Variants in GMDS observed in about 807,000 individuals in gnomAD.
GMDS encodes GDP-mannose 4,6 dehydratase.
In GMDS, 20 loss-of-function variants were observed where a neutral mutation model predicts 49.9. That is an observed-to-expected ratio of 0.40 (90% CI 0.28 to 0.58). The LOEUF is 0.58. Ranked by LOEUF, GMDS falls within the 20% of genes least tolerant of loss-of-function variation. The pLI is 0.42. For synonymous variants in GMDS, 177 were observed against 178.6 expected (o/e 0.99, Z 0.07); for missense variants, 362 against 481.4 (o/e 0.75, Z 2.32).
chr6:1,672,979 A>C (rs1270934757), intron 9 of GMDS, among the ~76,000 whole-genome samples: 1 of 149,592 alleles, frequency 6.7e-6, no homozygotes, highest in East Asian at 1.9e-4. Context: ...CATTTCAGCG[A>C]GGATTGGGAA....
chr6:1,961,559 T>A (rs1763946339), intron 4 of GMDS, among the ~76,000 whole-genome samples: 1 of 152,264 alleles, frequency 6.6e-6, no homozygotes, highest in South Asian at 2.1e-4. Context: ...TCTAAGCGAA[T>A]GCTGAGGAAT....
chr6:1,821,232 C>T (rs1770873746), intron 7 of GMDS, among the ~76,000 whole-genome samples: 1 of 152,174 alleles, frequency 6.6e-6, no homozygotes, highest in South Asian at 2.1e-4. Context: ...GAAAAACTCT[C>T]TTGCATTTCG....
chr6:1,674,560 CTTTTTTTTTTT>C (rs869292549), intron 9 of GMDS, among the ~76,000 whole-genome samples: 2 of 73,438 alleles, frequency 2.7e-5, no homozygotes, highest in African/African-American at 6.4e-5. Context: ...CTCTCTCTCT[CTTTTTTTTTTT>C]TTTTTTTTTT....
intron 4 of GMDS, among the ~76,000 whole-genome samples, chr6:2,032,855 T>C (rs898904581): frequency 3.3e-5 from 5 of 152,148 alleles, no homozygotes; most frequent in African/African-American, 1.2e-4. Flanking sequence ...ATAGATACAA[T>C]ACAGTTCCTC....
At chr6:2,057,811 T>A (rs1159831227) in intron 4 of GMDS, among the ~76,000 whole-genome samples, 1 of 152,236 alleles carries the variant, frequency 6.6e-6, no homozygotes, top group Non-Finnish European at 1.5e-5. Context: ...ATATTCTGTA[T>A]CAATGCTGTC....
At chr6:1,914,627 G>C (rs944037787) in intron 7 of GMDS, among the ~76,000 whole-genome samples, 7 of 152,176 alleles carry the variant, frequency 4.6e-5, no homozygotes, top group African/African-American at 1.7e-4. Context: ...ACTATTTCCA[G>C]GGAAGATCCC....
At chr6:1,722,913 A>G (rs1378833579) in intron 9 of GMDS, among the ~76,000 whole-genome samples, 2 of 152,202 alleles carry the variant, frequency 1.3e-5, no homozygotes, top group Admixed American at 6.5e-5. Context: ...GAGTGATGGA[A>G]AATTTAAAGT....
At chr6:2,124,524 T>C (rs1351862964) in intron 2 of GMDS, among the ~76,000 whole-genome samples, 163 bp downstream of exon 2, 1 of 152,198 alleles carries the variant, frequency 6.6e-6, no homozygotes, top group Non-Finnish European at 1.5e-5. Context: ...CACAATGGGT[T>C]GGCAGGCTCA....
intron 2 of GMDS, among the ~76,000 whole-genome samples, chr6:2,122,028 T>C (rs1775164689): frequency 1.3e-5 from 2 of 152,226 alleles, no homozygotes; most frequent in African/African-American, 4.8e-5. Context: ...TCCTGGTTTG[T>C]CCTCTGCTAT....
At chr6:2,163,352 C>T (rs1481324074) in intron 1 of GMDS, among the ~76,000 whole-genome samples, 4 of 152,134 alleles carry the variant, frequency 2.6e-5, no homozygotes. Context: ...CCAGGAGAGG[C>T]AAACACTAAA....
At position 2,178,440 on chromosome 6, in the gene GMDS, G is replaced by T. The variant is rs1778381285; in HGVS notation, c.103-53709C>A. On this transcript the variant is annotated intron_variant, in intron 1 of 10. Coordinates refer to ENST00000380815, the MANE Select transcript of GMDS (RefSeq NM_001500.4). ...AGGTGCCACATGCTTTAAACAACCAGATCTCGTGGGCACTGTTTGAAGAGA... is the reference window on the plus strand; with the variant it reads ...AGGTGCCACATGCTTTAAACAACCATATCTCGTGGGCACTGTTTGAAGAGA... 2.0e-5 allele frequency among the ~76,000 whole-genome samples: 3 copies of T among 152,158 alleles called. 1 individual carries two copies. In the South Asian group the frequency reaches 6.2e-4, roughly 32 times the overall value.
intron 9 of GMDS, among the ~76,000 whole-genome samples, chr6:1,724,050 G>A (rs953488242): frequency 1.1e-4 from 17 of 152,298 alleles, no homozygotes; most frequent in African/African-American, 3.6e-4. Context: ...TTGTTCTGAG[G>A]AATGAGGTTA....
chr6:2,195,995 G>A (rs234939), intron 1 of GMDS, among the ~76,000 whole-genome samples: 6,253 of 152,052 alleles, frequency 0.041, 258 homozygotes, highest in South Asian at 0.13. Flanking sequence ...ATCCCAAGAT[G>A]ACAATTGGGG....
At chr6:1,950,526 G>C (rs944887437) in intron 6 of GMDS, among the ~76,000 whole-genome samples, 2 of 152,154 alleles carry the variant, frequency 1.3e-5, no homozygotes, top group African/African-American at 4.8e-5. Flanking sequence ...TTTGAGTTGG[G>C]TCTGACCTGC....
At chr6:1,657,546 C>T (rs927719962) in intron 9 of GMDS, among the ~76,000 whole-genome samples, 1 of 152,192 alleles carries the variant, frequency 6.6e-6, no homozygotes, top group Non-Finnish European at 1.5e-5. Flanking sequence ...TGCTTTCAAG[C>T]AGGACACTGA....
Position 1,744,162 on chromosome 6 carries a change from A to G in GMDS, c.772-1576T>C, listed in dbSNP as rs113093041. Among the ~76,000 whole-genome samples, 290 of 152,300 alleles carry G rather than the reference A, an allele frequency of 1.9e-3. 1 individual carries two copies. Among genetic ancestry groups the G allele is most frequent in the African/African-American group, 6.5e-3 (272 of 41,572 alleles). Reference sequence around the variant, plus strand: ...TAAAATTTAAAATAATTTCTCTTTTACCTGAAGTTATTTCCTGTGTATGTT... The same window carrying G: ...TAAAATTTAAAATAATTTCTCTTTTGCCTGAAGTTATTTCCTGTGTATGTT... On this transcript the variant is annotated intron_variant, in intron 7 of 10. Coordinates refer to ENST00000380815, the MANE Select transcript of GMDS (RefSeq NM_001500.4).
chr6:2,032,417 T>C (rs1769024507), intron 4 of GMDS, among the ~76,000 whole-genome samples: 1 of 152,240 alleles, frequency 6.6e-6, no homozygotes, highest in Non-Finnish European at 1.5e-5. Flanking sequence ...TTCATGGATA[T>C]AATTTGTATG....
chr6:2,160,549 T>C (rs1777344093), intron 1 of GMDS, among the ~76,000 whole-genome samples: 1 of 152,248 alleles, frequency 6.6e-6, no homozygotes, highest in Non-Finnish European at 1.5e-5. Context: ...ATGGTTGTTA[T>C]ATAAGTCTAT....
intron 1 of GMDS, among the ~76,000 whole-genome samples, chr6:2,221,778 C>T (rs569619032): frequency 2.6e-5 from 4 of 152,090 alleles, no homozygotes; most frequent in Non-Finnish European, 5.9e-5. Context: ...TTATAGCAGT[C>T]CCAAGCAAAA....
Sources: gnomAD v4.1 joint callset for allele counts (sites outside exome capture counted in the v4.1 genomes callset) on GRCh38, gnomAD v4.1.1 for gene constraint, MANE v1.5 for transcripts, NCBI Gene and HGNC (gene_info 2026-07-23, HGNC 2026-07-21) for gene names.